SMAD2: variants seen among roughly 807,000 people sequenced by gnomAD.
SMAD2 encodes the protein SMAD family member 2.
SMAD2 carries 8 observed loss-of-function variants against 64.4 expected under a neutral mutation model. That is an observed-to-expected ratio of 0.12 (90% CI 0.07 to 0.22). The LOEUF is 0.22. SMAD2 is among the 10% of genes least tolerant of loss of function. The pLI is 1.00. For missense variants in SMAD2, 289 were observed against 561.2 expected (o/e 0.51, Z 4.90); for synonymous variants, 203 against 195.8 (o/e 1.04, Z -0.31).
chr18:47,893,074 G>T (rs1033456935), intron 2 of SMAD2, among the ~76,000 whole-genome samples: 1 of 152,076 alleles, frequency 6.6e-6, no homozygotes, highest in African/African-American at 2.4e-5. Flanking sequence ...TCACGACCAA[G>T]TTGTCTCCCA....
At chr18:47,927,435 C>T (rs2034809513) in intron 1 of SMAD2, among the ~76,000 whole-genome samples, 2 of 152,184 alleles carry the variant, frequency 1.3e-5, no homozygotes, top group Admixed American at 1.3e-4. Flanking sequence ...TAACAACTGT[C>T]TTACTCTAAA....
chr18:47,874,804 G>A (rs139684159), intron 2 of SMAD2, among the ~76,000 whole-genome samples: 39 of 152,214 alleles, frequency 2.6e-4, no homozygotes, highest in African/African-American at 8.9e-4. Context: ...AGGTTCCAAT[G>A]TATGTGTATA....
At chr18:47,875,782 T>C (rs2144400852) in intron 2 of SMAD2, among the ~76,000 whole-genome samples, 1 of 152,180 alleles carries the variant, frequency 6.6e-6, no homozygotes, top group Admixed American at 6.5e-5. Flanking sequence ...CTTCATAAGC[T>C]AGCTACTTTA....
chr18:47,880,799 T>C (rs2032541584), intron 2 of SMAD2, among the ~76,000 whole-genome samples: 2 of 152,164 alleles, frequency 1.3e-5, no homozygotes, highest in Non-Finnish European at 2.9e-5. Flanking sequence ...CTAACCTGGT[T>C]GCATTCAAAC....
In SMAD2 at chr18:47,839,034, A is replaced by T. The variant is rs1035859981; in HGVS notation, c.*2793T>A. ...GGGGAGGGGCAGAAAACAAAAAAAAAATCAGGCCACAGTAGATAAAATACA... is the reference window on the plus strand; with the variant it reads ...GGGGAGGGGCAGAAAACAAAAAAAATATCAGGCCACAGTAGATAAAATACA... On this transcript the variant is annotated 3_prime_UTR_variant, in exon 11 of 11. Coordinates refer to ENST00000262160, the MANE Select transcript of SMAD2 (RefSeq NM_005901.6). The T allele has an allele frequency of 4.3e-6, 1 of 233,314 alleles. No homozygotes were observed. Among genetic ancestry groups the T allele is most frequent in the African/African-American group, 2.2e-5 (1 of 45,462 alleles). The allele number at this position is 233,314 out of a possible 1,614,324, so 14.5% of individuals were successfully genotyped here. A position where few individuals can be genotyped will look rare whatever the true frequency, so the allele number is the denominator to read the frequency against.
chr18:47,844,372 AG>A (rs974809613), intron 10 of SMAD2, among the ~76,000 whole-genome samples: 5 of 152,224 alleles, frequency 3.3e-5, no homozygotes, highest in African/African-American at 1.2e-4. Context: ...ATATTTCTTA[AG>A]CAGGCATATG....
intron 8 of SMAD2, among the ~76,000 whole-genome samples, chr18:47,847,271 A>G (rs1914589659): frequency 6.6e-6 from 1 of 152,190 alleles, no homozygotes. Flanking sequence ...GAGAACTTCC[A>G]CTTGGAACCA....
At chr18:47,879,378 C>T (rs2032451818) in intron 2 of SMAD2, among the ~76,000 whole-genome samples, 1 of 152,126 alleles carries the variant, frequency 6.6e-6, no homozygotes, top group South Asian at 2.1e-4. Context: ...CTGATCTTTT[C>T]ACCATAGGTG....
At chr18:47,893,231 G>T (rs113726413) in intron 2 of SMAD2, among the ~76,000 whole-genome samples, 3 of 152,138 alleles carry the variant, frequency 2.0e-5, no homozygotes, top group Non-Finnish European at 4.4e-5. Flanking sequence ...CGACAGTGAC[G>T]TATCTATAAC....
In SMAD2 at chr18:47,829,139, T is replaced by C. The variant is rs1317220729; in HGVS notation, c.*12688A>G. 1.3e-5 allele frequency: 2 copies of C among 152,076 alleles called. No individual in the cohort carries two copies. The highest frequency in any genetic ancestry group is 2.9e-5 in the Non-Finnish European group (2 of 68,024). 9.4% of individuals were successfully genotyped at this position (152,076 alleles called of 1,614,324 possible). A position where few individuals can be genotyped will look rare whatever the true frequency, so the allele number is the denominator to read the frequency against. The stretch of plus-strand genomic sequence containing the variant: ...ACCAGAGGATGTTAAGGAGGCTTCC[T>C]AGAGAAGACGTGGCAATGCACCTGA... On this transcript the variant is annotated 3_prime_UTR_variant, in exon 11 of 11. Coordinates refer to ENST00000262160, the MANE Select transcript of SMAD2 (RefSeq NM_005901.6).
chr18:47,883,670 C>CT (rs1299435265), intron 2 of SMAD2, among the ~76,000 whole-genome samples: 2 of 152,092 alleles, frequency 1.3e-5, no homozygotes, highest in Admixed American at 6.5e-5. Flanking sequence ...ATTGTTATGA[C>CT]TCCCTGATGT....
At position 47,832,027 on chromosome 18, in the gene SMAD2, A is replaced by G; in HGVS notation, c.*9800T>C. 1 of 152,194 alleles carries G rather than the reference A, an allele frequency of 6.6e-6. No homozygotes were observed. The highest frequency in any genetic ancestry group is 1.9e-4 in the East Asian group (1 of 5,202). 9.4% of individuals were successfully genotyped at this position (152,194 alleles called of 1,614,324 possible). A position where few individuals can be genotyped will look rare whatever the true frequency, so the allele number is the denominator to read the frequency against. The stretch of plus-strand genomic sequence containing the variant: ...CAAACTTAGACAAACCTGGAGCTTA[A>G]AATAATTACATTGGATGACATCAGT... On this transcript the variant is annotated 3_prime_UTR_variant, in exon 11 of 11. Coordinates refer to ENST00000262160, the MANE Select transcript of SMAD2 (RefSeq NM_005901.6).
intron 2 of SMAD2, chr18:47,895,194 T>C (rs1396168361): frequency 6.6e-6 from 1 of 152,184 alleles, no homozygotes; most frequent in Non-Finnish European, 1.5e-5. Flanking sequence ...GGATGCCCTG[T>C]ATAAGCTTTG....
At chr18:47,910,319 G>A (rs1258697450) in intron 1 of SMAD2, among the ~76,000 whole-genome samples, 1 of 151,708 alleles carries the variant, frequency 6.6e-6, no homozygotes, top group African/African-American at 2.4e-5. Flanking sequence ...TCCAGATGAT[G>A]AGGAAGAAGA....
At chr18:47,891,121 A>C (rs953822394) in intron 2 of SMAD2, among the ~76,000 whole-genome samples, 3 of 152,168 alleles carry the variant, frequency 2.0e-5, no homozygotes, top group African/African-American at 7.2e-5. Context: ...CCTGACCAAC[A>C]TGGAGAAACC....
chr18:47,909,914 G>A (rs924099752), intron 1 of SMAD2, among the ~76,000 whole-genome samples: 2 of 152,054 alleles, frequency 1.3e-5, no homozygotes, highest in African/African-American at 4.8e-5. Context: ...GGAGTCATAA[G>A]GACCTTTAAG....
chr18:47,916,646 C>A (rs900022980), intron 1 of SMAD2, among the ~76,000 whole-genome samples: 2 of 151,996 alleles, frequency 1.3e-5, no homozygotes, highest in Admixed American at 1.3e-4. Flanking sequence ...TTCAAGTGAT[C>A]GCCCACCTTG....
chr18:47,849,166 T>C (rs1255928140), intron 7 of SMAD2, among the ~76,000 whole-genome samples: 1 of 152,146 alleles, frequency 6.6e-6, no homozygotes, highest in Non-Finnish European at 1.5e-5. Flanking sequence ...TTTTGACATT[T>C]GTCTATTTTA....
At chr18:47,851,397 C>A in intron 6 of SMAD2, 70 bp from the exon 7 acceptor site, 1 of 960,332 alleles carries the variant, frequency 1.0e-6, no homozygotes, top group Admixed American at 1.7e-5. Flanking sequence ...ATAAAACTAG[C>A]TTTATCTGGT....
Sources: gnomAD v4.1 joint callset for allele counts (sites outside exome capture counted in the v4.1 genomes callset) on GRCh38, gnomAD v4.1.1 for gene constraint, MANE v1.5 for transcripts, NCBI Gene and HGNC (gene_info 2026-07-23, HGNC 2026-07-21) for gene names.